Variants in FAM193A observed in about 807,000 individuals in gnomAD.
The protein encoded by FAM193A is family with sequence similarity 193 member A, also known as protein FAM193A.
In FAM193A, 22 loss-of-function variants were observed where a neutral mutation model predicts 126.5. The observed-to-expected ratio is 0.17, with a 90% confidence interval of 0.12 to 0.25. The LOEUF (loss-of-function observed/expected upper bound fraction) is 0.25, where lower values mean the gene tolerates loss of function less well. FAM193A is among the 10% of genes least tolerant of loss of function. The pLI is 1.00. For synonymous variants in FAM193A, 761 were observed against 646.8 expected (o/e 1.18, Z -2.68); for missense variants, 1,675 against 1,672.8 (o/e 1.00, Z -0.02).
At chr4:2,556,631 G>C (rs1738278195) in intron 1 of FAM193A, among the ~76,000 whole-genome samples, 1 of 152,184 alleles carries the variant, frequency 6.6e-6, no homozygotes, top group Non-Finnish European at 1.5e-5. Context: ...GCAGTGAGCT[G>C]TGATCATGCC....
intron 2 of FAM193A, among the ~76,000 whole-genome samples, chr4:2,603,454 T>TTC (rs1741336779): frequency 8.3e-6 from 1 of 120,512 alleles, no homozygotes; most frequent in African/African-American, 3.8e-5. Flanking sequence ...CCAGCTAATT[T>TTC]TTTTTTTTTT....
chr4:2,578,610 C>T (rs7685947), intron 1 of FAM193A, among the ~76,000 whole-genome samples: 51,017 of 151,784 alleles, frequency 0.34, 8,801 homozygotes, highest in Middle Eastern at 0.42. Context: ...ATGCTGACCC[C>T]ATTGTGGAGT....
At chr4:2,684,719 G>A (rs1331785321) in intron 13 of FAM193A, among the ~76,000 whole-genome samples, 2 of 152,178 alleles carry the variant, frequency 1.3e-5, no homozygotes, top group African/African-American at 4.8e-5. Context: ...TGGCGATGGT[G>A]TACGGCTGTT....
rs1032986267 is a variant in FAM193A, at chr4:2,699,730, G to A, written c.3558G>A (p.Leu1186=). 6.2e-7 allele frequency: 1 copy of A among 1,613,798 alleles called. No homozygotes were observed. The highest frequency in any genetic ancestry group is 1.3e-5 in the African/African-American group (1 of 74,876). The stretch of plus-strand genomic sequence containing the variant: ...CAGAGGCCAGGGCCCGGGAGCACCT[G>A]CACCTCCAGGAGGAGCAGAGGCGGC... ...LEAEARAREH[L]HLQEEQRRRE... Residue 1186 remains leucine (L), a synonymous_variant, in exon 19 of 21, where the codon CTG becomes CTA. Coordinates refer to ENST00000637812, the MANE Select transcript of FAM193A (RefSeq NM_001366318.2).
rs996209628 is a variant in FAM193A, at chr4:2,623,616, G to A, written c.502-1646G>A. 3.3e-5 allele frequency among the ~76,000 whole-genome samples: 5 copies of A among 152,144 alleles called. No homozygotes were observed. The South Asian group carries it at 1.0e-3, about 32-fold the overall frequency. ...GCCCTTGGGAGTTTCCTTGTGCTTG[G>A]CTCAGCAGCAGACTGGGGTAGTGCA... On this transcript the variant is annotated intron_variant, in intron 2 of 20. Transcript: ENST00000637812.
intron 2 of FAM193A, among the ~76,000 whole-genome samples, chr4:2,610,337 T>TA (rs111764191): frequency 0.067 from 10,232 of 152,284 alleles, 580 homozygotes; most frequent in African/African-American, 0.15. Flanking sequence ...AGTCCCAACT[T>TA]AAACCAGCCA....
chr4:2,556,801 T>C (rs748945166), intron 1 of FAM193A, among the ~76,000 whole-genome samples: 4 of 152,242 alleles, frequency 2.6e-5, no homozygotes, highest in Non-Finnish European at 5.9e-5. Context: ...CGTAAGTTAA[T>C]AGAGGGTGAT....
chr4:2,596,043 A>G (rs1393081278), intron 1 of FAM193A, 41 bp from the exon 2 acceptor site: 1 of 673,980 alleles, frequency 1.5e-6, no homozygotes, highest in Non-Finnish European at 2.7e-6. Flanking sequence ...TTGGCTTTGT[A>G]GATGAGGTTT....
intron 13 of FAM193A, among the ~76,000 whole-genome samples, chr4:2,677,216 G>A (rs1362420355): frequency 6.6e-6 from 1 of 152,238 alleles, no homozygotes; most frequent in African/African-American, 2.4e-5. Flanking sequence ...CCCTTTTCCT[G>A]TTGAAGGATC....
intron 1 of FAM193A, among the ~76,000 whole-genome samples, chr4:2,580,857 G>T (rs1472815571): frequency 6.6e-6 from 1 of 152,112 alleles, no homozygotes; most frequent in Non-Finnish European, 1.5e-5. Flanking sequence ...CACTGATTTG[G>T]CCGGGCTCAC....
chr4:2,568,973 C>CTTTTTTTTTTTTTTTTTTTTTTGTTTTTT, intron 1 of FAM193A, among the ~76,000 whole-genome samples: 1 of 90,722 alleles, frequency 1.1e-5, no homozygotes. Flanking sequence ...TGTTGTTTTG[C>CTTTTTTTTTTTTTTTTTTTTTTGTTTTTT]TTTTTTTTTT....
Position 2,731,932 on chromosome 4 carries a change from G to A in FAM193A, c.*64G>A, listed in dbSNP as rs188685285. On this transcript the variant is annotated 3_prime_UTR_variant, in exon 21 of 21. Transcript: ENST00000637812. ...CAGGCTGCACCACCCCAAGAGCCAC[G>A]CCCCTCGCTGGCGCCCCAGAGCCGT... 319 of 1,256,952 alleles carry A rather than the reference G, an allele frequency of 2.5e-4. 2 individuals are homozygous for A. In the East Asian group the frequency reaches 6.1e-3, roughly 24 times the overall value. 77.9% of individuals were successfully genotyped at this position (1,256,952 alleles called of 1,614,324 possible).
intron 1 of FAM193A, among the ~76,000 whole-genome samples, chr4:2,562,511 G>C (rs548226585): frequency 6.6e-6 from 1 of 152,212 alleles, no homozygotes; most frequent in South Asian, 2.1e-4. Context: ...GAAACTCTAG[G>C]ATGTAAGGAG....
intron 1 of FAM193A, among the ~76,000 whole-genome samples, chr4:2,595,391 A>AT (rs998259503): frequency 1.3e-5 from 2 of 151,752 alleles, no homozygotes; most frequent in African/African-American, 2.4e-5. Flanking sequence ...GGCTAATTTT[A>AT]TTTTTTTTCT....
At chr4:2,551,065 G>C (rs1345129636) in intron 1 of FAM193A, among the ~76,000 whole-genome samples, 1 of 152,144 alleles carries the variant, frequency 6.6e-6, no homozygotes, top group African/African-American at 2.4e-5. Flanking sequence ...CTCCTAAAGT[G>C]CTGGGATCAC....
chr4:2,550,776 TTTA>T (rs1560436195), intron 1 of FAM193A, among the ~76,000 whole-genome samples: 4 of 3,294 alleles, frequency 1.2e-3, no homozygotes, highest in Admixed American at 6.1e-3. Flanking sequence ...TATATTTTTA[TTTA>T]TTTATTTATT....
At chr4:2,622,075 C>T (rs1742578547) in intron 2 of FAM193A, among the ~76,000 whole-genome samples, 2 of 151,872 alleles carry the variant, frequency 1.3e-5, no homozygotes, top group African/African-American at 2.4e-5. Context: ...AGCAACATGG[C>T]GAAGCCCTGT....
At chr4:2,607,346 TC>T (rs1741607102) in intron 2 of FAM193A, among the ~76,000 whole-genome samples, 1 of 152,238 alleles carries the variant, frequency 6.6e-6, no homozygotes, top group Admixed American at 6.5e-5. Context: ...CATTGGTGTT[TC>T]ACTCTTTTCC....
At chr4:2,659,300 G>A (rs1712104438) in intron 8 of FAM193A, among the ~76,000 whole-genome samples, 1 of 152,120 alleles carries the variant, frequency 6.6e-6, no homozygotes, top group African/African-American at 2.4e-5. Context: ...TCTGCATCAG[G>A]TGTGTGCTGT....
Sources: allele counts gnomAD v4.1 joint callset (sites outside exome capture counted in the v4.1 genomes callset), GRCh38; gene constraint gnomAD v4.1.1; transcripts MANE v1.5; gene names NCBI Gene and HGNC (gene_info 2026-07-23, HGNC 2026-07-21).